Variants in CSMD1 observed in about 807,000 individuals in gnomAD.
CSMD1 encodes CUB and Sushi multiple domains 1.
In CSMD1, 213 loss-of-function variants were observed where a neutral mutation model predicts 417.5. That is an observed-to-expected ratio of 0.51 (90% CI 0.46 to 0.57). The LOEUF (loss-of-function observed/expected upper bound fraction) is 0.57, where lower values mean the gene tolerates loss of function less well. Ranked by LOEUF, CSMD1 falls within the 20% of genes least tolerant of loss-of-function variation. The pLI, the probability that CSMD1 is intolerant of heterozygous loss-of-function variation, is 0.00. For synonymous variants in CSMD1, 2,862 were observed against 1,736.8 expected, an observed-to-expected ratio of 1.65 and a Z score of -16.11; for missense variants, 6,923 against 4,529.7, an observed-to-expected ratio of 1.53 and a Z score of -15.17.
At chr8:4,780,033 C>A (rs1206242575) in intron 1 of CSMD1, among the ~76,000 whole-genome samples, 1 of 152,088 alleles carries the variant, frequency 6.6e-6, no homozygotes, top group African/African-American at 2.4e-5. Context: ...AAGCAACAAG[C>A]CATTCAATTC....
chr8:3,887,258 C>T (rs1806629364), intron 5 of CSMD1, among the ~76,000 whole-genome samples: 1 of 152,192 alleles, frequency 6.6e-6, no homozygotes, highest in Non-Finnish European at 1.5e-5. Context: ...TCTTGCACAG[C>T]AGTGGTGACA....
At chr8:3,087,418 T>A in intron 48 of CSMD1, 133 bp from the exon 49 acceptor site, 1 of 927,030 alleles carries the variant, frequency 1.1e-6, no homozygotes, top group Middle Eastern at 3.4e-4. Flanking sequence ...AGTATGTAAG[T>A]TTGTTCTAAA....
intron 1 of CSMD1, among the ~76,000 whole-genome samples, chr8:4,925,647 C>T (rs1398018715): frequency 2.6e-5 from 4 of 151,562 alleles, no homozygotes; most frequent in African/African-American, 7.3e-5. Context: ...CCCGGGTTCA[C>T]GCCATTCTCC....
chr8:4,439,310 G>A (rs751372720), intron 2 of CSMD1, among the ~76,000 whole-genome samples: 3 of 151,850 alleles, frequency 2.0e-5, no homozygotes, highest in Non-Finnish European at 4.4e-5. Context: ...AAATTACCTT[G>A]GTAATCAATA....
At chr8:3,261,085 T>C (rs774770313) in intron 26 of CSMD1, among the ~76,000 whole-genome samples, 2 of 151,714 alleles carry the variant, frequency 1.3e-5, no homozygotes, top group Non-Finnish European at 2.9e-5. Flanking sequence ...TCTAAATTAG[T>C]AGCCATTAAG....
intron 25 of CSMD1, among the ~76,000 whole-genome samples, chr8:3,293,171 T>C (rs2117290222): frequency 6.6e-6 from 1 of 152,354 alleles, no homozygotes; most frequent in East Asian, 1.9e-4. Flanking sequence ...TCTTCTGGCT[T>C]GTAGAGTTTT....
At chr8:4,551,311 T>C (rs1347402248) in intron 2 of CSMD1, among the ~76,000 whole-genome samples, 2 of 152,124 alleles carry the variant, frequency 1.3e-5, no homozygotes, top group Non-Finnish European at 2.9e-5. Flanking sequence ...CAATCTCTTG[T>C]CTTCTCATGG....
At chr8:3,992,003 T>C (rs763861747) in intron 5 of CSMD1, among the ~76,000 whole-genome samples, 9 of 152,092 alleles carry the variant, frequency 5.9e-5, no homozygotes, top group East Asian at 5.8e-4. Context: ...TGAAAAAACA[T>C]AGAAATGGCA....
At chr8:3,287,625 A>T (rs534165991) in intron 25 of CSMD1, among the ~76,000 whole-genome samples, 1 of 152,248 alleles carries the variant, frequency 6.6e-6, no homozygotes, top group Non-Finnish European at 1.5e-5. Context: ...GCATATGAGA[A>T]TGCTTGTGAT....
At chr8:4,061,923 T>G in intron 3 of CSMD1, among the ~76,000 whole-genome samples, 2 of 152,300 alleles carry the variant, frequency 1.3e-5, no homozygotes, top group Middle Eastern at 6.8e-3. Context: ...CAATTATGCA[T>G]TACTGACTAA....
chr8:4,744,879 A>AT (rs1317647703), intron 1 of CSMD1, among the ~76,000 whole-genome samples: 1 of 152,148 alleles, frequency 6.6e-6, no homozygotes, highest in Non-Finnish European at 1.5e-5. Flanking sequence ...GTTGAACTGA[A>AT]TTTTTTCACC....
intron 3 of CSMD1, among the ~76,000 whole-genome samples, chr8:4,295,674 G>T (rs1295449819): frequency 2.9e-5 from 4 of 138,704 alleles, no homozygotes; most frequent in African/African-American, 1.1e-4. Context: ...GATTACATAT[G>T]TTATATTATA....
chr8:3,066,580 G>A (rs1812950696), intron 49 of CSMD1, among the ~76,000 whole-genome samples: 1 of 152,182 alleles, frequency 6.6e-6, no homozygotes, highest in African/African-American at 2.4e-5. Context: ...CTTAATTTCT[G>A]AGGAATTTCA....
At chr8:4,060,586 T>G (rs571641263) in intron 3 of CSMD1, among the ~76,000 whole-genome samples, 1 of 152,158 alleles carries the variant, frequency 6.6e-6, no homozygotes, top group Non-Finnish European at 1.5e-5. Context: ...GGGAAGGTCA[T>G]TCTGGGTTTC....
At chr8:4,462,994 T>A (rs1438367170) in intron 2 of CSMD1, among the ~76,000 whole-genome samples, 1 of 152,072 alleles carries the variant, frequency 6.6e-6, no homozygotes, top group East Asian at 1.9e-4. Flanking sequence ...TCAAAAAACA[T>A]TAGAACAGAA....
chr8:3,943,583 G>C (rs1339375946), intron 5 of CSMD1, among the ~76,000 whole-genome samples: 1 of 151,976 alleles, frequency 6.6e-6, no homozygotes, highest in Non-Finnish European at 1.5e-5. Context: ...GAAAAATAGT[G>C]ACTTTTCATT....
At chr8:3,795,540 C>G (rs1373398625) in intron 5 of CSMD1, among the ~76,000 whole-genome samples, 37 of 2,610 alleles carry the variant, frequency 0.014, 12 homozygotes, top group Non-Finnish European at 0.016. Context: ...ATATATCTAT[C>G]ATAGATATAG....
At chr8:4,877,347 T>A (rs941972424) in intron 1 of CSMD1, among the ~76,000 whole-genome samples, 6 of 152,096 alleles carry the variant, frequency 3.9e-5, no homozygotes, top group Non-Finnish European at 2.9e-5. Flanking sequence ...AGATAAATTA[T>A]GTTATTTTAC....
rs529344110 is a variant in CSMD1, at chr8:3,059,008, A to T, written c.7475-6361T>A. Among the ~76,000 whole-genome samples the T allele has an allele frequency of 2.0e-5, 3 of 152,078 alleles. No homozygotes were observed. The East Asian group carries it at 5.8e-4, about 30-fold the overall frequency. On this transcript the variant is annotated intron_variant, in intron 49 of 69. Transcript: ENST00000635120. Reference sequence around the variant, plus strand: ...ATGTTGGATGTTGACATGTTTGGGGAAAGGAGGATGTGTTGGTGATTTTTT... The same window carrying T: ...ATGTTGGATGTTGACATGTTTGGGGTAAGGAGGATGTGTTGGTGATTTTTT...
Sources: allele counts gnomAD v4.1 joint callset (sites outside exome capture counted in the v4.1 genomes callset), GRCh38; gene constraint gnomAD v4.1.1; transcripts MANE v1.5; gene names NCBI Gene and HGNC (gene_info 2026-07-23, HGNC 2026-07-21).